The following PPP1CC variants were observed in gnomAD, a reference collection of about 807,000 sequenced individuals.
PPP1CC encodes serine/threonine-protein phosphatase PP1-gamma catalytic subunit.
Under a neutral mutation model 38.4 loss-of-function variants are expected in PPP1CC, and 16 were observed. That is an observed-to-expected ratio of 0.42 (90% CI 0.28 to 0.63). The LOEUF is 0.63. Among genes scored for constraint, PPP1CC ranks in the 30% least tolerant of loss-of-function variants. The probability of loss-of-function intolerance (pLI) is 0.25; values close to 1 mark genes in which losing one functional copy is unlikely to be tolerated. For synonymous variants in PPP1CC, 158 were observed against 136.0 expected (o/e 1.16, Z -1.13); for missense variants, 170 against 391.3 (o/e 0.43, Z 4.77).
intron 3 of PPP1CC, among the ~76,000 whole-genome samples, chr12:110,729,715 C>G (rs1182138848): frequency 6.6e-6 from 1 of 152,114 alleles, no homozygotes; most frequent in Non-Finnish European, 1.5e-5. Flanking sequence ...TTACGTATTG[C>G]AAGATTCCAT....
rs541178390 is a variant in PPP1CC, at chr12:110,742,460, C to A, written c.55+193G>T. On this transcript the variant is annotated intron_variant, in intron 1 of 6. Coordinates refer to ENST00000335007, the MANE Select transcript of PPP1CC (RefSeq NM_002710.4). ...TGAGCGGAGCCTGGAGGGTCCGCAG[C>A]TGGCGACAAGTTGGGAATCCCGGGC... Among the ~76,000 whole-genome samples the A allele has an allele frequency of 2.1e-4, 32 of 152,324 alleles. 1 individual carries two copies. The East Asian group carries it at 6.2e-3, about 29-fold the overall frequency.
chr12:110,737,835 C>T (rs2069965475), intron 1 of PPP1CC, among the ~76,000 whole-genome samples: 1 of 152,032 alleles, frequency 6.6e-6, no homozygotes, highest in Admixed American at 6.6e-5. Flanking sequence ...ATAGATCCGG[C>T]TAGCCAAGAG....
chr12:110,728,478 TGTG>T (rs1311498647), intron 3 of PPP1CC, among the ~76,000 whole-genome samples: 1 of 149,564 alleles, frequency 6.7e-6, no homozygotes, highest in Admixed American at 6.7e-5. Context: ...GTTGGCTGGG[TGTG>T]GTGGCTCATG....
rs1379040529 is a variant in PPP1CC at position 110,721,397 on chromosome 12, T to A, written c.883-232A>T. 2.3e-5 allele frequency: 9 copies of A among 392,648 alleles called. 1 individual carries two copies. In the East Asian group the frequency reaches 4.3e-4, roughly 19 times the overall value. 24.3% of individuals were successfully genotyped at this position (392,648 alleles called of 1,614,324 possible). A position where few individuals can be genotyped will look rare whatever the true frequency, so the allele number is the denominator to read the frequency against. ...GGACAAATTATTTTGCCTCTGAGTA[T>A]AATGACAATCTTCTGAAGTCTACAC... On this transcript the variant is annotated intron_variant, in intron 6 of 6. Coordinates refer to ENST00000335007, the MANE Select transcript of PPP1CC (RefSeq NM_002710.4).
rs1044962033 is a variant in PPP1CC at position 110,720,171 on chromosome 12, G to A, written c.*905C>T. ...AACAGTATTGTTTCTATAATTTGAA[G>A]CTTTCTGAATGGACGGGTTCAGGCC... is the stretch of plus-strand genomic sequence containing the variant. On this transcript the variant is annotated 3_prime_UTR_variant, in exon 7 of 7. Coordinates refer to ENST00000335007, the MANE Select transcript of PPP1CC (RefSeq NM_002710.4). 1.3e-6 allele frequency: 2 copies of A among 1,555,492 alleles called. No individual in the cohort carries two copies. The highest frequency in any genetic ancestry group is 1.7e-6 in the Non-Finnish European group (2 of 1,156,392).
downstream of PPP1CC, among the ~76,000 whole-genome samples, chr12:110,715,305 A>G (rs2069679235): frequency 6.6e-6 from 1 of 152,150 alleles, no homozygotes; most frequent in African/African-American, 2.4e-5. Flanking sequence ...GGAACACAAG[A>G]ATGAATTTGA....
intron 1 of PPP1CC, among the ~76,000 whole-genome samples, chr12:110,739,300 TC>T (rs757602601): frequency 7.2e-5 from 11 of 151,802 alleles, no homozygotes; most frequent in African/African-American, 9.7e-5. Context: ...AGAGTGAGAC[TC>T]TGTCTCCAAA....
At chr12:110,715,783 G>A (rs150728598), downstream of PPP1CC, among the ~76,000 whole-genome samples, 381 of 152,060 alleles carry the variant, frequency 2.5e-3, 5 homozygotes, top group African/African-American at 8.5e-3. Flanking sequence ...CACCATGCCA[G>A]GCTAATTTTG....
At chr12:110,740,340 C>T (rs1405298417) in intron 1 of PPP1CC, among the ~76,000 whole-genome samples, 1 of 152,082 alleles carries the variant, frequency 6.6e-6, no homozygotes, top group Non-Finnish European at 1.5e-5. Context: ...AACCCCAGCA[C>T]CTGGGGAGGA....
chr12:110,740,771 T>A (rs1252191670), intron 1 of PPP1CC, among the ~76,000 whole-genome samples: 2 of 152,176 alleles, frequency 1.3e-5, no homozygotes, highest in Non-Finnish European at 2.9e-5. Flanking sequence ...AAGATCAAAA[T>A]TAACAAAAGC....
intron 3 of PPP1CC, 73 bp downstream of exon 3, chr12:110,730,456 A>C: frequency 8.7e-7 from 1 of 1,148,244 alleles, no homozygotes; most frequent in African/African-American, 1.5e-5. Flanking sequence ...TTCCTAACAG[A>C]AGTATGTGAT....
In PPP1CC at chr12:110,730,688, A is replaced by ACCT; in HGVS notation, c.258_259insAGG (p.Asn86_Tyr87insArg). On this transcript the variant is annotated inframe_insertion, in exon 3 of 7. Coordinates refer to ENST00000335007, the MANE Select transcript of PPP1CC (RefSeq NM_002710.4). ...TCCACATAGTCCCCAAGAAACAGGT[A>ACCT]GTTGCTTTCTGGTGGGAAACCACCG... 6.2e-7 allele frequency: 1 copy of ACCT among 1,614,162 alleles called. No homozygotes were observed. The highest frequency in any genetic ancestry group is 1.1e-5 in the South Asian group (1 of 91,074).
chr12:110,737,437 T>G (rs1195489542), intron 1 of PPP1CC, among the ~76,000 whole-genome samples: 2 of 121,680 alleles, frequency 1.6e-5, no homozygotes, highest in African/African-American at 6.7e-5. Context: ...TGGGCCGAGA[T>G]CCTGCCACTG....
Position 110,742,823 on chromosome 12 carries a change from G to A in PPP1CC, c.-116C>T. ...GGTGGTGGCGGCGGTGGCAGCAGCC[G>A]CGGCGGGTCCCCCCCCTGCCACCCC... is the stretch of plus-strand genomic sequence containing the variant. On this transcript the variant is annotated 5_prime_UTR_variant, in exon 1 of 7. Coordinates refer to ENST00000335007, the MANE Select transcript of PPP1CC (RefSeq NM_002710.4). The A allele has an allele frequency of 1.2e-6, 1 of 820,548 alleles. No homozygotes were observed. Among genetic ancestry groups the A allele is most frequent in the Non-Finnish European group, 1.7e-6 (1 of 594,290 alleles). 50.8% of individuals were successfully genotyped at this position (820,548 alleles called of 1,614,324 possible).
chr12:110,719,905 T>C lies in PPP1CC; in HGVS notation c.*1171A>G, dbSNP rs1457575572. ...TGCTGATAAATAGACACTGAGAAGA[T>C]TTAACAAGTTCATCATTTAATAAGT... On this transcript the variant is annotated 3_prime_UTR_variant, in exon 7 of 7. Coordinates refer to ENST00000335007, the MANE Select transcript of PPP1CC (RefSeq NM_002710.4). 5 of 489,968 alleles carry C rather than the reference T, an allele frequency of 1.0e-5. No individual in the cohort carries two copies. In the Admixed American group the frequency reaches 1.1e-4, roughly 11 times the overall value. The allele number at this position is 489,968 out of a possible 1,614,324, so 30.4% of individuals were successfully genotyped here. A position where few individuals can be genotyped will look rare whatever the true frequency, so the allele number is the denominator to read the frequency against.
intron 3 of PPP1CC, chr12:110,726,618 A>G (rs891685575): frequency 6.6e-6 from 1 of 152,214 alleles, no homozygotes; most frequent in Non-Finnish European, 1.5e-5. Context: ...CATTTCCAAC[A>G]GCAATACTAC....
At chr12:110,732,672 A>C (rs2069889335) in intron 1 of PPP1CC, 1 of 152,212 alleles carries the variant, frequency 6.6e-6, no homozygotes, top group Non-Finnish European at 1.5e-5. Flanking sequence ...GCTATACTGT[A>C]AGAAAGCACG....
chr12:110,742,588 G>GC, intron 1 of PPP1CC, 65 bp downstream of exon 1: 4 of 1,320,306 alleles, frequency 3.0e-6, no homozygotes, highest in African/African-American at 1.5e-5. Context: ...CCTCCCTCGA[G>GC]CCCCCGGGGC....
downstream of PPP1CC, among the ~76,000 whole-genome samples, chr12:110,714,796 ACT>A (rs1328263152): frequency 3.2e-4 from 37 of 114,778 alleles, no homozygotes; most frequent in Admixed American, 3.2e-3. Flanking sequence ...ACAGAGCAAG[ACT>A]CTGTCTCAAA....
Sources: gnomAD v4.1 joint callset for allele counts (sites outside exome capture counted in the v4.1 genomes callset) on GRCh38, gnomAD v4.1.1 for gene constraint, MANE v1.5 for transcripts, NCBI Gene and HGNC (gene_info 2026-07-23, HGNC 2026-07-21) for gene names.